RBFOX1: variants seen among roughly 807,000 people sequenced by gnomAD.
RBFOX1 encodes the protein RNA binding protein fox-1 homolog 1.
In RBFOX1, 8 loss-of-function variants were observed where a neutral mutation model predicts 57.7. The observed-to-expected ratio is 0.14, with a 90% CI of 0.08 to 0.25. The LOEUF (loss-of-function observed/expected upper bound fraction) is 0.25. Among genes scored for constraint, RBFOX1 ranks in the 10% least tolerant of loss-of-function variants. The pLI is 1.00. For synonymous variants in RBFOX1, 326 were observed against 222.4 expected, an observed-to-expected ratio of 1.47 and a Z score of -4.15; for missense variants, 611 against 548.5, an observed-to-expected ratio of 1.11 and a Z score of -1.14.
At chr16:5,267,629 A>G (rs113198563) in intron 1 of RBFOX1, among the ~76,000 whole-genome samples, 1 of 151,974 alleles carries the variant, frequency 6.6e-6, no homozygotes, top group Non-Finnish European at 1.5e-5. Flanking sequence ...AGATAGGGAA[A>G]CTCTGGCAAG....
rs971562344 is a variant in RBFOX1, at chr16:7,367,197, C to T, written c.28-150950C>T. 7.9e-5 allele frequency among the ~76,000 whole-genome samples: 12 copies of T among 152,114 alleles called. No individual in the cohort carries two copies. In the East Asian group the frequency reaches 1.5e-3, roughly 20 times the overall value. ...ATGACACTCTGGGGAATGGCTGAGG[C>T]CCCCACCCCCATCTTACTGTTTGCA... On this transcript the variant is annotated intron_variant, in intron 4 of 15. Coordinates refer to ENST00000550418, the MANE Select transcript of RBFOX1 (RefSeq NM_018723.4).
chr16:6,598,124 A>G (rs1021681273), intron 2 of RBFOX1, among the ~76,000 whole-genome samples: 1 of 152,214 alleles, frequency 6.6e-6, no homozygotes, highest in East Asian at 1.9e-4. Flanking sequence ...ACATATACCA[A>G]TGTATCCACA....
At chr16:5,987,737 G>A (rs2060310212) in intron 4 of RBFOX1, among the ~76,000 whole-genome samples, 1 of 152,096 alleles carries the variant, frequency 6.6e-6, no homozygotes, top group African/African-American at 2.4e-5. Context: ...TAAAAGTTAT[G>A]TTTAGTTTGA....
intron 3 of RBFOX1, among the ~76,000 whole-genome samples, chr16:6,893,948 G>A (rs2066134408): frequency 6.6e-6 from 1 of 152,170 alleles, no homozygotes; most frequent in African/African-American, 2.4e-5. Context: ...GAGAGAACAT[G>A]ATAATTAACC....
chr16:7,226,086 C>T (rs771306672), intron 4 of RBFOX1, among the ~76,000 whole-genome samples: 5 of 151,892 alleles, frequency 3.3e-5, no homozygotes, highest in African/African-American at 7.3e-5. Flanking sequence ...AAGATGCTCA[C>T]CCTCAACTCA....
chr16:7,576,468 T>C (rs535825955), intron 5 of RBFOX1, among the ~76,000 whole-genome samples: 8 of 152,292 alleles, frequency 5.3e-5, no homozygotes, highest in African/African-American at 1.4e-4. Context: ...ACACCCACAA[T>C]GACCTGAAAC....
chr16:6,703,530 C>T (rs1430674344), intron 3 of RBFOX1, among the ~76,000 whole-genome samples: 2 of 151,862 alleles, frequency 1.3e-5, no homozygotes, highest in African/African-American at 4.8e-5. Context: ...AGGCAACATA[C>T]TGTGACCCTG....
intron 4 of RBFOX1, among the ~76,000 whole-genome samples, chr16:7,389,306 G>A (rs936031737): frequency 6.6e-6 from 1 of 151,884 alleles, no homozygotes; most frequent in Non-Finnish European, 1.5e-5. Context: ...TAGTATTTTT[G>A]GTAGAGACGA....
Position 7,660,144 on chromosome 16 carries a change from C to CT in RBFOX1, c.891-4776dup, listed in dbSNP as rs200061508. Among the ~76,000 whole-genome samples the CT allele has an allele frequency of 2.3e-3, 352 of 151,712 alleles. 1 individual carries two copies. The highest frequency in any genetic ancestry group is 7.2e-3 in the African/African-American group (299 of 41,372). On this transcript the variant is annotated intron_variant, in intron 12 of 15. Transcript: ENST00000550418. ...GATTGTATAGTTTGGGCATTTTATA[C>CT]TTTTTTTTTAAAGTAAACTAATTTT...
intron 3 of RBFOX1, among the ~76,000 whole-genome samples, chr16:6,841,010 CT>C (rs749499793): frequency 1.6e-4 from 24 of 152,114 alleles, no homozygotes; most frequent in Non-Finnish European, 2.9e-4. Flanking sequence ...CTGCCAGCAC[CT>C]TGGGCTTAGC....
intron 3 of RBFOX1, among the ~76,000 whole-genome samples, chr16:6,939,750 G>A (rs137901136): frequency 7.9e-5 from 12 of 152,062 alleles, no homozygotes; most frequent in African/African-American, 2.9e-4. Context: ...GGCCTCAAAT[G>A]ATCAGCCTGC....
intron 1 of RBFOX1, among the ~76,000 whole-genome samples, chr16:5,310,974 T>A (rs1458871729): frequency 6.6e-6 from 1 of 152,126 alleles, no homozygotes; most frequent in Non-Finnish European, 1.5e-5. Flanking sequence ...CAGTATGTAG[T>A]TTCTTATTCC....
At chr16:5,641,137 C>T (rs2048858409) in intron 3 of RBFOX1, among the ~76,000 whole-genome samples, 1 of 150,676 alleles carries the variant, frequency 6.6e-6, no homozygotes. Context: ...CACATGCACA[C>T]CATGAATACA....
intron 1 of RBFOX1, among the ~76,000 whole-genome samples, chr16:6,234,369 T>G (rs2097489022): frequency 6.6e-6 from 1 of 152,364 alleles, no homozygotes; most frequent in African/African-American, 2.4e-5. Flanking sequence ...GATTCTTTGA[T>G]TATTATCTTC....
At chr16:7,567,214 TCC>T (rs1447913762) in intron 5 of RBFOX1, among the ~76,000 whole-genome samples, 13 of 132,114 alleles carry the variant, frequency 9.8e-5, no homozygotes, top group African/African-American at 2.3e-4. Context: ...TATATAAATA[TCC>T]ATATATATAT....
intron 2 of RBFOX1, among the ~76,000 whole-genome samples, chr16:6,317,309 T>G (rs1198148044): frequency 1.3e-5 from 2 of 152,170 alleles, no homozygotes; most frequent in Non-Finnish European, 2.9e-5. Flanking sequence ...AACTGCGCCT[T>G]TATTAGCTGG....
chr16:7,070,752 G>T (rs548967613), intron 4 of RBFOX1, among the ~76,000 whole-genome samples: 1 of 152,134 alleles, frequency 6.6e-6, no homozygotes, highest in African/African-American at 2.4e-5. Context: ...CCCAAAACTG[G>T]CCTTAAACTG....
chr16:5,309,176 T>C (rs8063896), intron 1 of RBFOX1, among the ~76,000 whole-genome samples: 2,704 of 152,366 alleles, frequency 0.018, 77 homozygotes, highest in African/African-American at 0.059. Flanking sequence ...TGTCATTTTA[T>C]TGGGTTTTAG....
intron 2 of RBFOX1, among the ~76,000 whole-genome samples, chr16:6,597,807 T>G (rs1330016628): frequency 2.6e-5 from 4 of 152,232 alleles, no homozygotes; most frequent in Admixed American, 2.0e-4. Flanking sequence ...CACCTTTTTC[T>G]GCACTGACAG....
Sources: gnomAD v4.1 joint callset for allele counts (sites outside exome capture counted in the v4.1 genomes callset) on GRCh38, gnomAD v4.1.1 for gene constraint, MANE v1.5 for transcripts, NCBI Gene and HGNC (gene_info 2026-07-23, HGNC 2026-07-21) for gene names.